DYNC2H1: variants seen among roughly 807,000 people sequenced by gnomAD.
DYNC2H1 encodes the protein dynein cytoplasmic 2 heavy chain 1.
A neutral mutation model predicts 570.0 loss-of-function variants in DYNC2H1; 410 were observed. The observed-to-expected ratio is 0.72, with a 90% confidence interval of 0.66 to 0.78. The LOEUF is 0.78. DYNC2H1 is among the 30% of genes least tolerant of loss of function. DYNC2H1 has a pLI of 0.00. For missense variants in DYNC2H1, 4,865 were observed against 5,046.4 expected (o/e 0.96, Z 1.09); for synonymous variants, 1,688 against 1,677.6 (o/e 1.01, Z -0.15).
chr11:103,135,941 A>T lies in DYNC2H1; in HGVS notation c.2567A>T (p.Gln856Leu). The T allele has an allele frequency of 6.2e-7, 1 of 1,602,500 alleles. No individual in the cohort carries two copies. The highest frequency in any genetic ancestry group is 8.5e-7 in the Non-Finnish European group (1 of 1,173,672). The change falls in exon 17 of 89, where the codon CAA becomes CTA. Residue 856 changes from glutamine to leucine, a missense_variant. Gln to Leu is a moderately radical substitution (Grantham distance 113). Transcript: ENST00000375735. ...AGAAGATTGTCAGCTGTTTTACACC[A>T]ACATAAGGTATAGAACATGTAATGT... The part of the protein sequence containing the change: ...LFRRLSAVLH[Q>L]HKEWIVIGQV...
At chr11:103,143,026 A>T (rs186208240) in intron 17 of DYNC2H1, among the ~76,000 whole-genome samples, 1 of 152,304 alleles carries the variant, frequency 6.6e-6, no homozygotes, top group East Asian at 1.9e-4. Flanking sequence ...TTGAGAAGAG[A>T]ATCTAAACAG....
intron 77 of DYNC2H1, among the ~76,000 whole-genome samples, chr11:103,307,065 T>C (rs534241892): frequency 6.6e-6 from 1 of 152,246 alleles, no homozygotes; most frequent in Non-Finnish European, 1.5e-5. Flanking sequence ...TTTTGACAGA[T>C]AAGTAATAAT....
intron 84 of DYNC2H1, among the ~76,000 whole-genome samples, chr11:103,400,342 C>G (rs888968512): frequency 3.3e-5 from 5 of 152,176 alleles, no homozygotes; most frequent in Non-Finnish European, 5.9e-5. Context: ...CTGACCAGAG[C>G]TTCAGCCAAA....
intron 84 of DYNC2H1, 121 bp downstream of exon 84, chr11:103,399,993 G>A (rs1160052115): frequency 1.3e-6 from 1 of 799,070 alleles, no homozygotes; most frequent in East Asian, 2.7e-5. Context: ...ACTGGCTTAA[G>A]CCATATAAAA....
chr11:103,245,389 C>T lies in DYNC2H1; in HGVS notation c.10042+15C>T. 6.4e-7 allele frequency: 1 copy of T among 1,563,522 alleles called. No individual in the cohort carries two copies. The highest frequency in any genetic ancestry group is 8.6e-7 in the Non-Finnish European group (1 of 1,156,990). ...GGTTGCTCAAGGTAAATAATTGACA[C>T]TTTCCAGAGTGTAAATATTTTTAAA... On this transcript the variant is annotated intron_variant, in intron 65 of 88. Transcript: ENST00000375735. The surrounding 1 kb of genome is among the most constrained non-coding windows in gnomAD (Gnocchi z 4.5).
Position 103,289,035 on chromosome 11 carries a change from TG to T in DYNC2H1, c.11095+1432del, listed in dbSNP as rs1466516023. Among the ~76,000 whole-genome samples, 2 of 152,078 alleles carry T rather than the reference TG, an allele frequency of 1.3e-5. No individual in the cohort carries two copies. Among genetic ancestry groups the T allele is most frequent in the Admixed American group, 6.6e-5 (1 of 15,260 alleles). On this transcript the variant is annotated intron_variant, in intron 75 of 88. Coordinates refer to ENST00000375735, the MANE Select transcript of DYNC2H1 (RefSeq NM_001377.3). The surrounding 1 kb of genome is among the most constrained non-coding windows in gnomAD (Gnocchi z 4.2). ...GATATTTTGCAGACCCTGCACTAGA[TG>T]GATCAGCTGACACAACCTAGTCCGG...
intron 78 of DYNC2H1, among the ~76,000 whole-genome samples, chr11:103,309,410 G>C (rs1011498630): frequency 1.3e-5 from 2 of 149,254 alleles, no homozygotes; most frequent in African/African-American, 4.9e-5. Context: ...GCCGAGGCTG[G>C]TCCTGAACTC....
At position 103,115,287 on chromosome 11, in the gene DYNC2H1, A is replaced by G; in HGVS notation, c.613A>G (p.Ile205Val). ...TTATTTTAAAGAATTATTTGAAACAATTGCAAGAGTATGTGATTCATAAAT... is the reference window on the plus strand; with the variant it reads ...TTATTTTAAAGAATTATTTGAAACAGTTGCAAGAGTATGTGATTCATAAAT... ...ANYFKELFETIAREFYNLDSL... is the reference protein window; with the variant it reads ...ANYFKELFETVAREFYNLDSL... The change falls in exon 4 of 89, where the codon ATT becomes GTT. Residue 205 changes from isoleucine (I) to valine (V), a missense_variant. By Grantham distance (29) the Ile-to-Val change is conservative. Coordinates refer to ENST00000375735, the MANE Select transcript of DYNC2H1 (RefSeq NM_001377.3). 6.3e-7 allele frequency: 1 copy of G among 1,575,832 alleles called. No homozygotes were observed. The highest frequency in any genetic ancestry group is 8.6e-7 in the Non-Finnish European group (1 of 1,157,954).
At position 103,261,740 on chromosome 11, in the gene DYNC2H1, G is replaced by T. The variant is rs542840138; in HGVS notation, c.10695+1763G>T. On this transcript the variant is annotated intron_variant, in intron 70 of 88. Transcript: ENST00000375735. The surrounding 1 kb of genome is among the most constrained non-coding windows in gnomAD (Gnocchi z 4.8). ...AGGTAGATAAATCCACGAAGATGAG[G>T]AAAAACCAGCGCAAAAAGACTGAAA... Among the ~76,000 whole-genome samples, 1 of 152,280 alleles carries T rather than the reference G, an allele frequency of 6.6e-6. No homozygotes were observed. Among genetic ancestry groups the T allele is most frequent in the East Asian group, 1.9e-4 (1 of 5,182 alleles).
In DYNC2H1 at chr11:103,116,722, TA is replaced by T; in HGVS notation, c.766+15del. 8 of 1,573,850 alleles carry T rather than the reference TA, an allele frequency of 5.1e-6. No homozygotes were observed. Among genetic ancestry groups the T allele is most frequent in the Non-Finnish European group, 6.0e-6 (7 of 1,163,024 alleles). ...ATCTCTTAGACATCATAGGTACTAG[TA>T]AAAAAATGAACTTTTGGAATTTTGA... On this transcript the variant is annotated intron_variant, in intron 5 of 88. Coordinates refer to ENST00000375735, the MANE Select transcript of DYNC2H1 (RefSeq NM_001377.3).
At chr11:103,323,791 T>A (rs1322746615) in intron 81 of DYNC2H1, 95 bp from the exon 82 acceptor site, 16 of 929,542 alleles carry the variant, frequency 1.7e-5, no homozygotes, top group African/African-American at 3.4e-5. Context: ...ATACAAATAA[T>A]AATTGAACAT....
At chr11:103,246,579 T>A (rs563992608) in intron 65 of DYNC2H1, among the ~76,000 whole-genome samples, 1 of 152,168 alleles carries the variant, frequency 6.6e-6, no homozygotes, top group Admixed American at 6.6e-5. Flanking sequence ...TATGTCAGAA[T>A]TAGGAAAAGA....
intron 18 of DYNC2H1, among the ~76,000 whole-genome samples, chr11:103,144,695 A>T (rs1463390659): frequency 1.3e-5 from 2 of 151,996 alleles, no homozygotes; most frequent in South Asian, 4.1e-4. Context: ...AAAATAGAGA[A>T]TTTGGATTTT....
intron 80 of DYNC2H1, among the ~76,000 whole-genome samples, chr11:103,318,368 T>A (rs1937981798): frequency 6.6e-6 from 1 of 152,170 alleles, no homozygotes; most frequent in Non-Finnish European, 1.5e-5. Context: ...ATAGATTACT[T>A]TTGCCTGTTT....
Position 103,114,128 on chromosome 11 carries a change from A to G in DYNC2H1, c.392A>G (p.Asp131Gly). 1 of 1,610,688 alleles carries G rather than the reference A, an allele frequency of 6.2e-7. No homozygotes were observed. The highest frequency in any genetic ancestry group is 8.5e-7 in the Non-Finnish European group (1 of 1,178,312). Reference protein sequence around the residue: ...LKDQEWSRNFDPKLQNLLSEL... With the variant: ...LKDQEWSRNFGPKLQNLLSEL... ...GATCAGGAATGGAGCAGAAACTTTG[A>G]TCCCAAACTTCAGAATCTTTTGAGT... The change falls in exon 3 of 89, where the codon GAT becomes GGT. Residue 131 changes from aspartate (D) to glycine (G), a missense_variant. Coordinates refer to ENST00000375735, the MANE Select transcript of DYNC2H1 (RefSeq NM_001377.3).
chr11:103,257,573 T>C (rs1297685270), intron 68 of DYNC2H1, 35 bp from the exon 69 acceptor site: 1 of 1,576,030 alleles, frequency 6.3e-7, no homozygotes, highest in Admixed American at 1.7e-5. Context: ...CTAAGGTGTT[T>C]CCACCCTATC....
At chr11:103,332,939 G>GT (rs1938898502) in intron 82 of DYNC2H1, among the ~76,000 whole-genome samples, 1 of 151,722 alleles carries the variant, frequency 6.6e-6, no homozygotes, top group Admixed American at 6.6e-5. Context: ...GTAGGCAGAG[G>GT]TTACAGTGAG....
In DYNC2H1 at chr11:103,199,391, T is replaced by G. The variant is rs764468030; in HGVS notation, c.8003T>G (p.Val2668Gly). ...GGTCGTCGGACCATCACTTCTTTAG[T>G]CAGTCACATGCATGGAGCGGTCCTG... ...GVGRRTITSL[V>G]SHMHGAVLFS... The change falls in exon 49 of 89, where the codon GTC becomes GGC. Residue 2668 changes from valine to glycine, a missense_variant. Transcript: ENST00000375735. This position sits in a 1 kb window ranked among gnomAD's most constrained non-coding sequence, Gnocchi z 4.6. 2 of 1,610,100 alleles carry G rather than the reference T, an allele frequency of 1.2e-6. No individual in the cohort carries two copies. Among genetic ancestry groups the G allele is most frequent in the Non-Finnish European group, 1.7e-6 (2 of 1,178,398 alleles).
chr11:103,146,362 G>A (rs180834790), intron 18 of DYNC2H1, among the ~76,000 whole-genome samples: 34 of 152,236 alleles, frequency 2.2e-4, no homozygotes, highest in Admixed American at 2.2e-3. Flanking sequence ...TTCCTCAGAT[G>A]ACTGAGTCTG....
Sources: allele counts gnomAD v4.1 joint callset (sites outside exome capture counted in the v4.1 genomes callset), GRCh38; gene constraint gnomAD v4.1.1; non-coding constraint Gnocchi (gnomAD v3.1); transcripts MANE v1.5; gene names NCBI Gene and HGNC (gene_info 2026-07-23, HGNC 2026-07-21).